CARM1: variants seen among roughly 807,000 people sequenced by gnomAD.
CARM1 encodes the protein histone-arginine methyltransferase CARM1.
A neutral mutation model predicts 72.7 loss-of-function variants in CARM1; 14 were observed. That is an observed-to-expected ratio of 0.19 (90% CI 0.13 to 0.30). CARM1 has a LOEUF of 0.30. Among genes scored for constraint, CARM1 ranks in the 10% least tolerant of loss-of-function variants. CARM1 has a pLI of 1.00. For missense variants in CARM1, 432 were observed against 833.7 expected, an observed-to-expected ratio of 0.52 and a Z score of 5.93; for synonymous variants, 333 against 345.5, an observed-to-expected ratio of 0.96 and a Z score of 0.40.
rs537419997 is a variant in CARM1, at chr19:10,895,632, C to T, written c.221-9319C>T. On this transcript the variant is annotated intron_variant, in intron 1 of 15. Transcript: ENST00000327064. ...GCACAGTGAGGGCAGGCTAGCACTC[C>T]AACTTGGACACCTAGACCCCTGAAC... 2.2e-4 allele frequency among the ~76,000 whole-genome samples: 34 copies of T among 152,334 alleles called. No homozygotes were observed. In the South Asian group the frequency reaches 7.0e-3, roughly 32 times the overall value.
At position 10,871,583 on chromosome 19, in the gene CARM1, A is replaced by AGCGGCGGCGGCGGCGGCGGCGGCG. The variant is rs1179936865; in HGVS notation, c.-115_-114insGGCGGCGGCGGCGGCGGCGGCGGC. ...CCTGCACGGCGGCTGCGGCGGCGGT[A>AGCGGCGGCGGCGGCGGCGGCGGCG]GCGGCAGCGGCGGCGGCGGCGGCGG... On this transcript the variant is annotated 5_prime_UTR_variant, in exon 1 of 16. Coordinates refer to ENST00000327064, the MANE Select transcript of CARM1 (RefSeq NM_199141.2). The surrounding 1 kb of genome is among the most constrained non-coding windows in gnomAD (Gnocchi z 5.6). 4 of 76,394 alleles carry AGCGGCGGCGGCGGCGGCGGCGGCG rather than the reference A, an allele frequency of 5.2e-5. No individual in the cohort carries two copies. Among genetic ancestry groups the AGCGGCGGCGGCGGCGGCGGCGGCG allele is most frequent in the East Asian group, 4.9e-4 (1 of 2,056 alleles). The allele number at this position is 76,394 out of a possible 1,614,324, so 4.7% of individuals were successfully genotyped here.
intron 1 of CARM1, among the ~76,000 whole-genome samples, chr19:10,876,132 G>A (rs1406455906): frequency 2.6e-5 from 4 of 152,098 alleles, no homozygotes; most frequent in Non-Finnish European, 5.9e-5. Context: ...GCCCACCTTG[G>A]CCTCCTAAAG....
rs117276746 is a variant in CARM1 at position 10,916,056 on chromosome 19, C to T, written c.848-351C>T. Among the ~76,000 whole-genome samples, 117 of 152,340 alleles carry T rather than the reference C, an allele frequency of 7.7e-4. 2 individuals carry two copies. In the East Asian group the frequency reaches 0.02, roughly 26 times the overall value. ...TTTCCCGGCTGCACACATGCACAGA[C>T]GGCAGGGCCTGAGAGGCAGCGCCTG... On this transcript the variant is annotated intron_variant, in intron 6 of 15. Coordinates refer to ENST00000327064, the MANE Select transcript of CARM1 (RefSeq NM_199141.2). The surrounding 1 kb of genome is among the most constrained non-coding windows in gnomAD (Gnocchi z 4.4).
chr19:10,883,714 TG>T (rs1404091754), intron 1 of CARM1, among the ~76,000 whole-genome samples: 8 of 152,322 alleles, frequency 5.3e-5, no homozygotes, highest in Non-Finnish European at 7.3e-5. Flanking sequence ...CCACCACGGC[TG>T]GCTAATTTTT....
intron 6 of CARM1, among the ~76,000 whole-genome samples, chr19:10,914,577 CAG>C (rs1250786592): frequency 6.6e-6 from 1 of 152,142 alleles, no homozygotes; most frequent in Admixed American, 6.5e-5. Context: ...TTTTTTGAGA[CAG>C]AGTTTCACTC....
Position 10,920,596 on chromosome 19 carries a change from G to T in CARM1, c.1334+23G>T. 6.2e-7 allele frequency: 1 copy of T among 1,613,830 alleles called. No individual in the cohort carries two copies. The stretch of plus-strand genomic sequence containing the variant: ...AAGGTGCGACTGCTCCCTGGGGCTG[G>T]TGGTGGTGGGCAGGGGTCCATCTGC... On this transcript the variant is annotated intron_variant, in intron 11 of 15. Coordinates refer to ENST00000327064, the MANE Select transcript of CARM1 (RefSeq NM_199141.2). This position sits in a 1 kb window ranked among gnomAD's most constrained non-coding sequence, Gnocchi z 5.3.
intron 1 of CARM1, among the ~76,000 whole-genome samples, chr19:10,885,376 A>G (rs1488341910): frequency 1.3e-5 from 2 of 152,042 alleles, no homozygotes; most frequent in Non-Finnish European, 2.9e-5. Context: ...TGTCGTTGGC[A>G]GGTCTTTCTC....
At position 10,884,019 on chromosome 19, in the gene CARM1, T is replaced by G. The variant is rs529516103; in HGVS notation, c.220+12097T>G. 4.1e-5 allele frequency among the ~76,000 whole-genome samples: 6 copies of G among 146,114 alleles called. No individual in the cohort carries two copies. The East Asian group carries it at 6.2e-4, about 15-fold the overall frequency. ...GGTGACAGAGCGAGACTCTGTTTTT[T>G]TTTTTTTTTTTCGTTTTTTGTTTTT... On this transcript the variant is annotated intron_variant, in intron 1 of 15. Transcript: ENST00000327064.
intron 1 of CARM1, among the ~76,000 whole-genome samples, chr19:10,876,121 C>T (rs1375038882): frequency 1.3e-5 from 2 of 150,764 alleles, no homozygotes; most frequent in African/African-American, 4.9e-5. Context: ...TCAGGTGATC[C>T]GCCCACCTTG....
chr19:10,892,374 G>A (rs191106115), intron 1 of CARM1, among the ~76,000 whole-genome samples: 71 of 152,336 alleles, frequency 4.7e-4, no homozygotes, highest in Middle Eastern at 6.8e-3. Context: ...ACCCAGCTCC[G>A]GTGCTGGAGT....
In CARM1 at chr19:10,914,847, T is replaced by C. The variant is rs147672973; in HGVS notation, c.847+793T>C. On this transcript the variant is annotated intron_variant, in intron 6 of 15. Transcript: ENST00000327064. ...TTGGGATTATAGGCATGAGCCACTGTGCCTGGCCTGGGTGACTGTTTCTAT... is the reference window on the plus strand; with the variant it reads ...TTGGGATTATAGGCATGAGCCACTGCGCCTGGCCTGGGTGACTGTTTCTAT... 1.3e-4 allele frequency among the ~76,000 whole-genome samples: 20 copies of C among 152,360 alleles called. No individual in the cohort carries two copies. The East Asian group carries it at 3.7e-3, about 28-fold the overall frequency.
intron 1 of CARM1, among the ~76,000 whole-genome samples, chr19:10,874,389 TA>T (rs1359788718): frequency 2.0e-5 from 3 of 152,018 alleles, no homozygotes; most frequent in Non-Finnish European, 2.9e-5. Context: ...TTATTTTTTT[TA>T]TTTTTATTTT....
chr19:10,891,233 C>T lies in CARM1; in HGVS notation c.221-13718C>T, dbSNP rs1431503657. Among the ~76,000 whole-genome samples, 4 of 152,074 alleles carry T rather than the reference C, an allele frequency of 2.6e-5. No homozygotes were observed. The East Asian group carries it at 7.7e-4, about 29-fold the overall frequency. On this transcript the variant is annotated intron_variant, in intron 1 of 15. Coordinates refer to ENST00000327064, the MANE Select transcript of CARM1 (RefSeq NM_199141.2). ...GTGTGCCCGTGGGTCTTGGGCCGGG[C>T]ATGGGTGGGTTCGTCCTCATGGCTA...
rs34563725 is a variant in CARM1, at chr19:10,899,033, G to GTTT, written c.221-5900_221-5898dup. On this transcript the variant is annotated intron_variant, in intron 1 of 15. Coordinates refer to ENST00000327064, the MANE Select transcript of CARM1 (RefSeq NM_199141.2). Reference sequence around the variant, plus strand: ...CAAAGAGAGGAACACGGCTTAGCTTGTTTTTTTTTTTTTTTTTTTTGGTTT... The same window carrying GTTT: ...CAAAGAGAGGAACACGGCTTAGCTTGTTTTTTTTTTTTTTTTTTTTTTTGGTTT... Among the ~76,000 whole-genome samples, 53 of 117,418 alleles carry GTTT rather than the reference G, an allele frequency of 4.5e-4. 2 individuals are homozygous for GTTT. Among genetic ancestry groups the GTTT allele is most frequent in the African/African-American group, 1.4e-3 (45 of 31,194 alleles). The allele number at this position is 117,418 out of a possible 152,430, so 77.0% of individuals were successfully genotyped here.
At chr19:10,893,342 A>G (rs1407496128) in intron 1 of CARM1, among the ~76,000 whole-genome samples, 1 of 145,484 alleles carries the variant, frequency 6.9e-6, no homozygotes, top group Non-Finnish European at 1.5e-5. Context: ...CACTGTGCCT[A>G]TTTTATTTCA....
chr19:10,901,043 G>A (rs968244980), intron 1 of CARM1, among the ~76,000 whole-genome samples: 15 of 146,910 alleles, frequency 1.0e-4, no homozygotes, highest in African/African-American at 3.6e-4. Context: ...GTGCAGTGGC[G>A]CTATCTCAGC....
At position 10,921,517 on chromosome 19, in the gene CARM1, C is replaced by T. The variant is rs1396402107; in HGVS notation, c.1684+74C>T. ...GAGTCGCCATCCTCTGTCCGGCCGC[C>T]CGCCTGCCCTCTTGCCTGCCCTTTC... On this transcript the variant is annotated intron_variant, in intron 15 of 15. Coordinates refer to ENST00000327064, the MANE Select transcript of CARM1 (RefSeq NM_199141.2). The T allele has an allele frequency of 1.9e-6, 3 of 1,566,752 alleles. No homozygotes were observed. In the African/African-American group the frequency reaches 4.1e-5, roughly 21 times the overall value.
At chr19:10,895,256 C>G (rs2145207558) in intron 1 of CARM1, among the ~76,000 whole-genome samples, 1 of 152,326 alleles carries the variant, frequency 6.6e-6, no homozygotes, top group South Asian at 2.1e-4. Context: ...AGGTGCCCAC[C>G]ACCACTCCTG....
intron 1 of CARM1, among the ~76,000 whole-genome samples, chr19:10,878,518 A>G (rs1197628809): frequency 1.3e-5 from 2 of 152,178 alleles, no homozygotes; most frequent in East Asian, 1.9e-4. Flanking sequence ...ACCAACCCCA[A>G]TTTACTGGTG....
Sources: gnomAD v4.1 joint callset for allele counts (sites outside exome capture counted in the v4.1 genomes callset) on GRCh38, gnomAD v4.1.1 for gene constraint, Gnocchi (gnomAD v3.1) non-coding constraint, MANE v1.5 for transcripts, NCBI Gene and HGNC (gene_info 2026-07-23, HGNC 2026-07-21) for gene names.